OR4A5: variants seen among roughly 807,000 people sequenced by gnomAD.
The protein encoded by OR4A5 is olfactory receptor family 4 subfamily A member 5.
For synonymous variants in OR4A5, 245 were observed against 138.5 expected (o/e 1.77, Z -5.40); for missense variants, 684 against 381.6 (o/e 1.79, Z -6.60).
chr11:54,707,731 A>T lies in OR4A5; in HGVS notation c.847A>T (p.Ile283Leu), dbSNP rs1326578090. The T allele has an allele frequency of 3.1e-6, 5 of 1,598,708 alleles. No homozygotes were observed. The highest frequency in any genetic ancestry group is 1.3e-5 in the African/African-American group (1 of 74,428). The stretch of plus-strand genomic sequence containing the variant: ...TATCACACACATGCTGAGTCCTTTA[A>T]TATATACGTTGAGAAATTCAGAGAT... Reference protein sequence around the residue: ...TIITHMLSPLIYTLRNSEMRN... With the variant: ...TIITHMLSPLLYTLRNSEMRN... Residue 283 changes from isoleucine (I) to leucine (L), a missense_variant, in exon 1 of 1, where the codon ATA (isoleucine) becomes TTA (leucine). Transcript: ENST00000319760.
In OR4A5 at chr11:54,707,202, T is replaced by C. The variant is rs5002406; in HGVS notation, c.318T>C (p.Gly106=). Residue 106 remains glycine (G), a synonymous_variant, in exon 1 of 1, where the codon GGT becomes GGC. Coordinates refer to ENST00000319760, the MANE Select transcript of OR4A5 (RefSeq NM_001005272.3). ...AGCTATTTATAGACCATTTCTTTGG[T>C]GGGGCTGAGGTCTTCCTTCTGGTGG... is the stretch of plus-strand genomic sequence containing the variant. The part of the protein sequence containing the change: ...MGQLFIDHFF[G]GAEVFLLVVM... The C allele has an allele frequency of 3.2e-5, 52 of 1,613,658 alleles. No individual in the cohort carries two copies. The highest frequency in any genetic ancestry group is 4.4e-5 in the Non-Finnish European group (52 of 1,179,876).
At position 54,706,953 on chromosome 11, in the gene OR4A5, A is replaced by G; in HGVS notation, c.69A>G (p.Lys23=). The change falls in exon 1 of 1, where the codon AAA becomes AAG. Residue 23 remains lysine (K), a synonymous_variant. Coordinates refer to ENST00000319760, the MANE Select transcript of OR4A5 (RefSeq NM_001005272.3). ...LGFSQDPGVQ[K]ALFVMFLLTY... Reference sequence around the variant, plus strand: ...TTTCTCAGGATCCTGGTGTGCAAAAAGCATTATTTGTCATGTTTTTACTCA... The same window carrying G: ...TTTCTCAGGATCCTGGTGTGCAAAAGGCATTATTTGTCATGTTTTTACTCA... 6.2e-7 allele frequency: 1 copy of G among 1,612,920 alleles called. No homozygotes were observed. The highest frequency in any genetic ancestry group is 8.5e-7 in the Non-Finnish European group (1 of 1,179,520).
In OR4A5 at chr11:54,707,571, G is replaced by C; in HGVS notation, c.687G>C (p.Lys229Asn). Residue 229 changes from lysine to asparagine, a missense_variant, in exon 1 of 1, where the codon AAG (lysine) becomes AAC (asparagine). Physicochemically the swap from Lys to Asn is moderately conservative, Grantham distance 94. Coordinates refer to ENST00000319760, the MANE Select transcript of OR4A5 (RefSeq NM_001005272.3). The stretch of plus-strand genomic sequence containing the variant: ...CCCTTAAAACTTACAGTCAGGAAAA[G>C]AGGGGTAAAGCCTTGTCTACCTGCA... ...LSSLKTYSQEKRGKALSTCSS... is the reference protein window; with the variant it reads ...LSSLKTYSQENRGKALSTCSS... 6.8e-6 allele frequency: 11 copies of C among 1,613,538 alleles called. No homozygotes were observed. Among genetic ancestry groups the C allele is most frequent in the Non-Finnish European group, 9.3e-6 (11 of 1,179,766 alleles).
In OR4A5 at chr11:54,707,763, T is replaced by C. The variant is rs762690460; in HGVS notation, c.879T>C (p.Asn293=). 1.3e-6 allele frequency: 2 copies of C among 1,587,682 alleles called. No individual in the cohort carries two copies. The highest frequency in any genetic ancestry group is 8.6e-7 in the Non-Finnish European group (1 of 1,163,148). The change falls in exon 1 of 1, where the codon AAT becomes AAC. Residue 293 remains asparagine (N), a synonymous_variant. Transcript: ENST00000319760. ...IYTLRNSEMR[N]AIEKLLGKKL... is the part of the protein sequence containing the mutation. ...CGTTGAGAAATTCAGAGATGAGAAA[T>C]GCTATAGAAAAACTCTTGGGTAAAA... is the stretch of plus-strand genomic sequence containing the variant.
At position 54,707,602 on chromosome 11, in the gene OR4A5, G is replaced by T; in HGVS notation, c.718G>T (p.Gly240Cys). The T allele has an allele frequency of 6.2e-7, 1 of 1,612,868 alleles. No homozygotes were observed. The highest frequency in any genetic ancestry group is 8.5e-7 in the Non-Finnish European group (1 of 1,179,482). The change falls in exon 1 of 1, where the codon GGC (glycine) becomes TGC (cysteine). Residue 240 changes from glycine to cysteine, a missense_variant. Physicochemically the swap from Gly to Cys is radical, Grantham distance 159. Transcript: ENST00000319760. ...TAAAGCCTTGTCTACCTGCAGCTCCGGCAGTACCGTTGTTGTCCTCTTTTT... is the reference window on the plus strand; with the variant it reads ...TAAAGCCTTGTCTACCTGCAGCTCCTGCAGTACCGTTGTTGTCCTCTTTTT... ...RGKALSTCSSGSTVVVLFFVP... is the reference protein window; with the variant it reads ...RGKALSTCSSCSTVVVLFFVP...
In OR4A5 at chr11:54,707,033, G is replaced by A. The variant is rs745874937; in HGVS notation, c.149G>A (p.Ser50Asn). Residue 50 changes from serine to asparagine, a missense_variant, in exon 1 of 1, where the codon AGC (serine) becomes AAC (asparagine). By Grantham distance (46) the Ser-to-Asn change is conservative (BLOSUM62 1). Coordinates refer to ENST00000319760, the MANE Select transcript of OR4A5 (RefSeq NM_001005272.3). ...NLLIVVDIIA[S>N]PSLGSPMYFF... is the part of the protein sequence containing the mutation. Reference sequence around the variant, plus strand: ...CTCATTGTGGTGGATATTATTGCCAGCCCTTCCTTGGGTTCCCCAATGTAT... The same window carrying A: ...CTCATTGTGGTGGATATTATTGCCAACCCTTCCTTGGGTTCCCCAATGTAT... The A allele has an allele frequency of 3.1e-6, 5 of 1,613,648 alleles. No individual in the cohort carries two copies. The highest frequency in any genetic ancestry group is 4.2e-6 in the Non-Finnish European group (5 of 1,179,856).
In OR4A5 at chr11:54,707,383, G is replaced by A. The variant is rs760137860; in HGVS notation, c.499G>A (p.Gly167Ser). The A allele has an allele frequency of 4.3e-6, 7 of 1,613,506 alleles. No individual in the cohort carries two copies. In the Admixed American group the frequency reaches 1.0e-4, roughly 23 times the overall value. ...QIVVYSLPFC[G>S]PNVIVHFSCD... ...TGTTGTGTACAGTCTCCCTTTCTGT[G>A]GTCCCAATGTCATTGTTCATTTCAG... is the stretch of plus-strand genomic sequence containing the variant. Residue 167 changes from glycine to serine, a missense_variant, in exon 1 of 1, where the codon GGT becomes AGT. Gly to Ser is a moderately conservative substitution (Grantham distance 56). Coordinates refer to ENST00000319760, the MANE Select transcript of OR4A5 (RefSeq NM_001005272.3).
In OR4A5 at chr11:54,707,331, A is replaced by G; in HGVS notation, c.447A>G (p.Gly149=). The change falls in exon 1 of 1, where the codon GGA becomes GGG. Residue 149 remains glycine (G), a synonymous_variant. Coordinates refer to ENST00000319760, the MANE Select transcript of OR4A5 (RefSeq NM_001005272.3). The stretch of plus-strand genomic sequence containing the variant: ...TTCTGTTGGTGGTGGCCATGATTGG[A>G]GGTTTTGTACATTCTGCGTTTCAAA... ...CFLLLVVAMI[G]GFVHSAFQIV... 6.2e-7 allele frequency: 1 copy of G among 1,613,626 alleles called. No individual in the cohort carries two copies. Among genetic ancestry groups the G allele is most frequent in the African/African-American group, 1.3e-5 (1 of 74,982 alleles).
chr11:54,706,983 C>G lies in OR4A5; in HGVS notation c.99C>G (p.Tyr33Ter). ...TATTTGTCATGTTTTTACTCACATA[C>G]TTGGTGACAGTGGTGGGGAACCTGC... ...KALFVMFLLT[Y>*]LVTVVGNLLI... Residue 33 changes from tyrosine to a stop codon, truncating the protein, a stop_gained, in exon 1 of 1, where the codon TAC (tyrosine) becomes TAG (stop). Coordinates refer to ENST00000319760, the MANE Select transcript of OR4A5 (RefSeq NM_001005272.3). LOFTEE classifies it low-confidence loss of function (END_TRUNC). 6.2e-7 allele frequency: 1 copy of G among 1,613,372 alleles called. No individual in the cohort carries two copies. The highest frequency in any genetic ancestry group is 8.5e-7 in the Non-Finnish European group (1 of 1,179,730).
rs1355239950 is a variant in OR4A5 at position 54,707,387 on chromosome 11, C to G, written c.503C>G (p.Pro168Arg). ...IVVYSLPFCGPNVIVHFSCDM... is the reference protein window; with the variant it reads ...IVVYSLPFCGRNVIVHFSCDM... The stretch of plus-strand genomic sequence containing the variant: ...GTGTACAGTCTCCCTTTCTGTGGTC[C>G]CAATGTCATTGTTCATTTCAGTTGT... The change falls in exon 1 of 1, where the codon CCC becomes CGC. Residue 168 changes from proline (P) to arginine (R), a missense_variant. Physicochemically the swap from Pro to Arg is moderately radical, Grantham distance 103. Coordinates refer to ENST00000319760, the MANE Select transcript of OR4A5 (RefSeq NM_001005272.3). 1.2e-6 allele frequency: 2 copies of G among 1,613,512 alleles called. No homozygotes were observed. The highest frequency in any genetic ancestry group is 2.2e-5 in the East Asian group (1 of 44,678).
Position 54,707,362 on chromosome 11 carries a change from G to C in OR4A5, c.478G>C (p.Val160Leu). ...TGTACATTCTGCGTTTCAAATTGTT[G>C]TGTACAGTCTCCCTTTCTGTGGTCC... ...GFVHSAFQIV[V>L]YSLPFCGPNV... Residue 160 changes from valine to leucine, a missense_variant, in exon 1 of 1, where the codon GTG (valine) becomes CTG (leucine). By Grantham distance (32) the Val-to-Leu change is conservative (BLOSUM62 1). Coordinates refer to ENST00000319760, the MANE Select transcript of OR4A5 (RefSeq NM_001005272.3). 6.2e-7 allele frequency: 1 copy of C among 1,613,614 alleles called. No homozygotes were observed. Among genetic ancestry groups the C allele is most frequent in the Non-Finnish European group, 8.5e-7 (1 of 1,179,850 alleles).
rs1235303466 is a variant in OR4A5, at chr11:54,707,517, G to A, written c.633G>A (p.Leu211=). The change falls in exon 1 of 1, where the codon CTG becomes CTA. Residue 211 remains leucine, a synonymous_variant. Coordinates refer to ENST00000319760, the MANE Select transcript of OR4A5 (RefSeq NM_001005272.3). Reference sequence around the variant, plus strand: ...TCTGTATGGTCATTTTCAACCTTCTGTTAATCTCCTATGGAGTCATCCTAA... The same window carrying A: ...TCTGTATGGTCATTTTCAACCTTCTATTAATCTCCTATGGAGTCATCCTAA... ...GAICMVIFNL[L]LISYGVILSS... 1.2e-5 allele frequency: 20 copies of A among 1,613,482 alleles called. No individual in the cohort carries two copies. The highest frequency in any genetic ancestry group is 1.2e-5 in the Non-Finnish European group (14 of 1,179,868).
Position 54,707,531 on chromosome 11 carries a change from G to T in OR4A5, c.647G>T (p.Gly216Val). 1 of 1,613,620 alleles carries T rather than the reference G, an allele frequency of 6.2e-7. No homozygotes were observed. Among genetic ancestry groups the T allele is most frequent in the Non-Finnish European group, 8.5e-7 (1 of 1,179,846 alleles). ...VIFNLLLISY[G>V]VILSSLKTYS... ...TTCAACCTTCTGTTAATCTCCTATGGAGTCATCCTAAGCTCCCTTAAAACT... is the reference window on the plus strand; with the variant it reads ...TTCAACCTTCTGTTAATCTCCTATGTAGTCATCCTAAGCTCCCTTAAAACT... Residue 216 changes from glycine to valine, a missense_variant, in exon 1 of 1, where the codon GGA (glycine) becomes GTA (valine). Transcript: ENST00000319760.
rs780653407 is a variant in OR4A5 at position 54,707,411 on chromosome 11, G to C, written c.527G>C (p.Cys176Ser). ...CCCAATGTCATTGTTCATTTCAGTT[G>C]TGACATGCACCCATTACTGGAACTG... Reference protein sequence around the residue: ...CGPNVIVHFSCDMHPLLELAC... With the variant: ...CGPNVIVHFSSDMHPLLELAC... Residue 176 changes from cysteine to serine, a missense_variant, in exon 1 of 1, where the codon TGT becomes TCT. Physicochemically the swap from Cys to Ser is moderately radical, Grantham distance 112 (BLOSUM62 -1). Transcript: ENST00000319760. The C allele has an allele frequency of 1.2e-6, 2 of 1,613,502 alleles. No homozygotes were observed. Among genetic ancestry groups the C allele is most frequent in the Non-Finnish European group, 1.7e-6 (2 of 1,179,860 alleles).
At position 54,707,558 on chromosome 11, in the gene OR4A5, A is replaced by G; in HGVS notation, c.674A>G (p.Tyr225Cys). The change falls in exon 1 of 1, where the codon TAC becomes TGC. Residue 225 changes from tyrosine (Y) to cysteine (C), a missense_variant. Transcript: ENST00000319760. Reference protein sequence around the residue: ...YGVILSSLKTYSQEKRGKALS... With the variant: ...YGVILSSLKTCSQEKRGKALS... ...GTCATCCTAAGCTCCCTTAAAACTT[A>G]CAGTCAGGAAAAGAGGGGTAAAGCC... The G allele has an allele frequency of 6.2e-7, 1 of 1,613,622 alleles. No homozygotes were observed. The highest frequency in any genetic ancestry group is 8.5e-7 in the Non-Finnish European group (1 of 1,179,834).
chr11:54,707,817 G>A lies in OR4A5; in HGVS notation c.933G>A (p.Val311=). 2 of 1,492,282 alleles carry A rather than the reference G, an allele frequency of 1.3e-6. No homozygotes were observed. The highest frequency in any genetic ancestry group is 1.8e-6 in the Non-Finnish European group (2 of 1,092,096). 92.4% of individuals were successfully genotyped at this position (1,492,282 alleles called of 1,614,324 possible). ...KKLTIFIIGG[V]SVLM is the part of the protein sequence containing the mutation. ...TAACTATATTTATTATAGGAGGAGT[G>A]TCCGTCCTCATGTAGGTAAGGAGGT... Residue 311 remains valine, a synonymous_variant, in exon 1 of 1, where the codon GTG becomes GTA. Coordinates refer to ENST00000319760, the MANE Select transcript of OR4A5 (RefSeq NM_001005272.3).
In OR4A5 at chr11:54,707,220, T is replaced by C; in HGVS notation, c.336T>C (p.Leu112=). The C allele has an allele frequency of 6.2e-7, 1 of 1,613,752 alleles. No individual in the cohort carries two copies. The highest frequency in any genetic ancestry group is 8.5e-7 in the Non-Finnish European group (1 of 1,179,858). Residue 112 remains leucine, a synonymous_variant, in exon 1 of 1, where the codon CTT becomes CTC. Coordinates refer to ENST00000319760, the MANE Select transcript of OR4A5 (RefSeq NM_001005272.3). ...DHFFGGAEVF[L]LVVMACDRYV... Reference sequence around the variant, plus strand: ...TCTTTGGTGGGGCTGAGGTCTTCCTTCTGGTGGTGATGGCCTGTGATCGCT... The same window carrying C: ...TCTTTGGTGGGGCTGAGGTCTTCCTCCTGGTGGTGATGGCCTGTGATCGCT...
chr11:54,707,010 C>G lies in OR4A5; in HGVS notation c.126C>G (p.Leu42=). The G allele has an allele frequency of 6.2e-7, 1 of 1,613,540 alleles. No homozygotes were observed. Among genetic ancestry groups the G allele is most frequent in the South Asian group, 1.1e-5 (1 of 91,066 alleles). The change falls in exon 1 of 1, where the codon CTC becomes CTG. Residue 42 remains leucine, a synonymous_variant. Coordinates refer to ENST00000319760, the MANE Select transcript of OR4A5 (RefSeq NM_001005272.3). The part of the protein sequence containing the change: ...TYLVTVVGNL[L]IVVDIIASPS... Reference sequence around the variant, plus strand: ...TGGTGACAGTGGTGGGGAACCTGCTCATTGTGGTGGATATTATTGCCAGCC... The same window carrying G: ...TGGTGACAGTGGTGGGGAACCTGCTGATTGTGGTGGATATTATTGCCAGCC...
Position 54,707,562 on chromosome 11 carries a change from T to C in OR4A5, c.678T>C (p.Ser226=), listed in dbSNP as rs1309581134. ...TCCTAAGCTCCCTTAAAACTTACAG[T>C]CAGGAAAAGAGGGGTAAAGCCTTGT... ...GVILSSLKTY[S]QEKRGKALST... The change falls in exon 1 of 1, where the codon AGT becomes AGC. Residue 226 remains serine, a synonymous_variant. Coordinates refer to ENST00000319760, the MANE Select transcript of OR4A5 (RefSeq NM_001005272.3). The C allele has an allele frequency of 6.2e-7, 1 of 1,613,612 alleles. No homozygotes were observed.
Sources: allele counts gnomAD v4.1 joint callset, GRCh38; gene constraint gnomAD v4.1.1; transcripts MANE v1.5; gene names NCBI Gene and HGNC (gene_info 2026-07-23, HGNC 2026-07-21).